Variants in KTN1 observed in about 807,000 individuals in gnomAD.
The protein encoded by KTN1 is kinectin 1.
A neutral mutation model predicts 222.5 loss-of-function variants in KTN1; 130 were observed. The ratio of observed to expected loss-of-function variants is 0.58; its 90% confidence interval spans 0.51 to 0.68. KTN1 has a LOEUF of 0.68. Among genes scored for constraint, KTN1 ranks in the 30% least tolerant of loss-of-function variants. The probability of loss-of-function intolerance (pLI) is 0.00; values close to 1 mark genes in which losing one functional copy is unlikely to be tolerated. For synonymous variants in KTN1, 512 were observed against 496.3 expected (o/e 1.03, Z -0.42); for missense variants, 1,508 against 1,500.4 (o/e 1.01, Z -0.08).
chr14:55,678,359 A>G lies in KTN1; in HGVS notation c.3863A>G (p.Gln1288Arg). Residue 1288 changes from glutamine to arginine, a missense_variant, in exon 42 of 44, where the codon CAG (glutamine) becomes CGG (arginine). Transcript: ENST00000395314. ...ATATTGTTTTCCTTATAGGCTCAAC[A>G]GTCACTGGAGCTTATCCAGTCAAAA... The part of the protein sequence containing the change: ...KVAGDLHKAQ[Q>R]SLELIQSKIV... 6.3e-7 allele frequency: 1 copy of G among 1,596,818 alleles called. No homozygotes were observed. The highest frequency in any genetic ancestry group is 8.6e-7 in the Non-Finnish European group (1 of 1,164,316).
chr14:55,614,476 A>G (rs2038058105), intron 2 of KTN1, among the ~76,000 whole-genome samples: 1 of 152,196 alleles, frequency 6.6e-6, no homozygotes, highest in South Asian at 2.1e-4. Flanking sequence ...TGATCTCCCA[A>G]GTTCTGAGTT....
At chr14:55,619,156 TG>T in intron 4 of KTN1, 25 bp from the exon 5 acceptor site, 1 of 1,574,346 alleles carries the variant, frequency 6.4e-7, no homozygotes, top group Non-Finnish European at 8.7e-7. Context: ...GCCAACTCTT[TG>T]TTTGTTTGTT....
Position 55,616,668 on chromosome 14 carries a change from A to G in KTN1, c.661+14A>G. Reference sequence around the variant, plus strand: ...AGACAGAAAATGGTGAGATGTTTAGATATGTATTTTTATAATGCTAATTCT... The same window carrying G: ...AGACAGAAAATGGTGAGATGTTTAGGTATGTATTTTTATAATGCTAATTCT... On this transcript the variant is annotated intron_variant, in intron 3 of 43. Transcript: ENST00000395314. The G allele has an allele frequency of 6.3e-7, 1 of 1,577,812 alleles. No homozygotes were observed. Among genetic ancestry groups the G allele is most frequent in the Non-Finnish European group, 8.6e-7 (1 of 1,167,768 alleles).
chr14:55,651,056 G>A (rs2042891719), intron 24 of KTN1, among the ~76,000 whole-genome samples: 2 of 152,124 alleles, frequency 1.3e-5, no homozygotes, highest in South Asian at 4.1e-4. Flanking sequence ...GTGATTACTG[G>A]AAATTGATGA....
At chr14:55,590,497 C>T (rs900042714) in intron 1 of KTN1, among the ~76,000 whole-genome samples, 1 of 152,018 alleles carries the variant, frequency 6.6e-6, no homozygotes, top group East Asian at 1.9e-4. Context: ...CTTTTTATTT[C>T]TTTATGTCCC....
intron 1 of KTN1, among the ~76,000 whole-genome samples, chr14:55,603,908 C>G (rs1022558655): frequency 6.6e-6 from 1 of 152,148 alleles, no homozygotes; most frequent in Non-Finnish European, 1.5e-5. Context: ...TCTCGTACCC[C>G]ACATCCAGTC....
At chr14:55,620,628 G>A (rs1377694883) in intron 5 of KTN1, among the ~76,000 whole-genome samples, 1 of 152,156 alleles carries the variant, frequency 6.6e-6, no homozygotes, top group African/African-American at 2.4e-5. Flanking sequence ...TGAAGCCATG[G>A]CCCATGCTGT....
At chr14:55,639,365 T>A in intron 13 of KTN1, 143 bp downstream of exon 13, 1 of 399,056 alleles carries the variant, frequency 2.5e-6, no homozygotes, top group Non-Finnish European at 4.6e-6. Flanking sequence ...ACTTTTGCTT[T>A]TTTTTTTTTT....
At chr14:55,612,902 GA>G (rs55992309) in intron 2 of KTN1, among the ~76,000 whole-genome samples, 11,516 of 148,732 alleles carry the variant, frequency 0.077, 486 homozygotes, top group South Asian at 0.11. Context: ...GAAATTAAAA[GA>G]AAAAAAAAAA....
intron 1 of KTN1, among the ~76,000 whole-genome samples, chr14:55,583,419 TA>T (rs2032193122): frequency 6.6e-6 from 1 of 152,160 alleles, no homozygotes; most frequent in Non-Finnish European, 1.5e-5. Flanking sequence ...AGACATACCC[TA>T]AAAAAAGTTA....
At chr14:55,612,653 A>G (rs2037761587) in intron 2 of KTN1, 82 bp downstream of exon 2, 5 of 1,108,646 alleles carry the variant, frequency 4.5e-6, no homozygotes, top group Non-Finnish European at 6.3e-6. Flanking sequence ...GTACATACAC[A>G]GAATGTTTAA....
chr14:55,639,919 A>C lies in KTN1; in HGVS notation c.1830A>C (p.Ala610=). Residue 610 remains alanine, a synonymous_variant, in exon 14 of 44, where the codon GCA becomes GCC. Coordinates refer to ENST00000395314, the MANE Select transcript of KTN1 (RefSeq NM_001079521.2). The part of the protein sequence containing the change: ...VLAEELHKVI[A]EKDKQIKQTE... ...AATGTCTTTCCTTCTAAAGGATTGCAGAAAAGGATAAGCAGATAAAACAGA... is the reference window on the plus strand; with the variant it reads ...AATGTCTTTCCTTCTAAAGGATTGCCGAAAAGGATAAGCAGATAAAACAGA... The C allele has an allele frequency of 6.3e-7, 1 of 1,591,470 alleles. No individual in the cohort carries two copies. Among genetic ancestry groups the C allele is most frequent in the Non-Finnish European group, 8.6e-7 (1 of 1,161,142 alleles).
At chr14:55,662,908 G>A (rs1399399675) in intron 32 of KTN1, 4 of 455,870 alleles carry the variant, frequency 8.8e-6, no homozygotes, top group Admixed American at 7.1e-5. Context: ...AGATAAGGAG[G>A]GCATGGTAAT....
At chr14:55,680,001 AGT>A in intron 43 of KTN1, 3 of 265,012 alleles carry the variant, frequency 1.1e-5, no homozygotes, top group Middle Eastern at 2.2e-3. Flanking sequence ...TTCTGTTCTT[AGT>A]TTAGAGTAAG....
intron 1 of KTN1, among the ~76,000 whole-genome samples, chr14:55,595,529 C>G (rs937709361): frequency 6.6e-6 from 1 of 152,152 alleles, no homozygotes; most frequent in Non-Finnish European, 1.5e-5. Flanking sequence ...TTGTTCTCAT[C>G]CTCATATTCA....
intron 33 of KTN1, 80 bp from the exon 34 acceptor site, chr14:55,667,161 A>G: frequency 4.5e-6 from 4 of 881,978 alleles, no homozygotes; most frequent in Non-Finnish European, 7.1e-6. Flanking sequence ...GAATTATAAA[A>G]CACTATAGTT....
intron 3 of KTN1, among the ~76,000 whole-genome samples, chr14:55,617,592 T>C (rs1349938159): frequency 6.6e-6 from 1 of 152,186 alleles, no homozygotes; most frequent in Admixed American, 6.5e-5. Flanking sequence ...AGTAAGTTGG[T>C]AAAGTACCAA....
chr14:55,644,107 A>G (rs1198783568), intron 18 of KTN1, among the ~76,000 whole-genome samples: 1 of 152,178 alleles, frequency 6.6e-6, no homozygotes, highest in East Asian at 1.9e-4. Context: ...GGTTTTGGTT[A>G]TAGTTGAGAC....
At chr14:55,584,567 T>C (rs1388722816) in intron 1 of KTN1, among the ~76,000 whole-genome samples, 1 of 152,222 alleles carries the variant, frequency 6.6e-6, no homozygotes, top group African/African-American at 2.4e-5. Context: ...AATGTCAGTT[T>C]CTTAAAAAGA....
Sources: allele counts gnomAD v4.1 joint callset (sites outside exome capture counted in the v4.1 genomes callset), GRCh38; gene constraint gnomAD v4.1.1; transcripts MANE v1.5; gene names NCBI Gene and HGNC (gene_info 2026-07-23, HGNC 2026-07-21).